The following NFILZ variants were observed in gnomAD, a reference collection of about 807,000 sequenced individuals.
NFILZ encodes the protein NFIL3 like protein.
At chr19:8,639,599 TA>T (rs5827009) in intron 3 of NFILZ, among the ~76,000 whole-genome samples, 2,827 of 132,324 alleles carry the variant, frequency 0.021, 45 homozygotes, top group African/African-American at 0.053. Context: ...TTAAGAAAAT[TA>T]AAAAAAAAAA....
At chr19:8,663,646 T>C (rs1479069190) in intron 3 of NFILZ, among the ~76,000 whole-genome samples, 1 of 151,504 alleles carries the variant, frequency 6.6e-6, no homozygotes, top group African/African-American at 2.4e-5. Context: ...AATGCTGAGT[T>C]TGGGGTGAAG....
intron 3 of NFILZ, among the ~76,000 whole-genome samples, chr19:8,647,479 G>A (rs2042943632): frequency 1.3e-5 from 2 of 152,028 alleles, no homozygotes; most frequent in African/African-American, 2.4e-5. Flanking sequence ...TACTGAGGCA[G>A]GAGAATCACT....
intron 3 of NFILZ, among the ~76,000 whole-genome samples, chr19:8,650,808 G>A (rs1016326329): frequency 2.0e-5 from 3 of 151,862 alleles, no homozygotes; most frequent in African/African-American, 7.3e-5. Context: ...CATAATTTAC[G>A]TATTTATTTA....
chr19:8,640,600 G>A (rs2042915133), intron 3 of NFILZ, among the ~76,000 whole-genome samples: 1 of 152,062 alleles, frequency 6.6e-6, no homozygotes, highest in African/African-American at 2.4e-5. Context: ...AAAAATTGAG[G>A]CGGCGACACG....
At chr19:8,660,565 TTCCTCCCCTCCCTCCCTCCTTCCTTCC>T (rs2043025026) in intron 3 of NFILZ, among the ~76,000 whole-genome samples, 1 of 128,924 alleles carries the variant, frequency 7.8e-6, no homozygotes. Context: ...CCTTCCTTCC[TTCCTCCCCTCCCTCCCTCCTTCCTTCC>T]TTCCTTCCCT....
rs1488963265 is a variant in NFILZ, at chr19:8,677,207, G to C, written c.442G>C (p.Gly148Arg). Residue 148 changes from glycine to arginine, a missense_variant, in exon 6 of 6, where the codon GGG becomes CGG. Gly to Arg is a moderately radical substitution (Grantham distance 125). Transcript: ENST00000691075. ...CLLRPRSLDAGIPGCRGCLLA... is the reference protein window; with the variant it reads ...CLLRPRSLDARIPGCRGCLLA... The stretch of plus-strand genomic sequence containing the variant: ...CTTAAGGCCACGTTCCCTGGATGCT[G>C]GGATTCCAGGATGTCGGGGCTGCCT... 1.3e-5 allele frequency: 2 copies of C among 153,032 alleles called. No homozygotes were observed. The highest frequency in any genetic ancestry group is 2.9e-5 in the Non-Finnish European group (2 of 68,680). 9.5% of individuals were successfully genotyped at this position (153,032 alleles called of 1,614,324 possible).
intron 3 of NFILZ, among the ~76,000 whole-genome samples, chr19:8,641,186 A>G (rs995740317): frequency 4.6e-5 from 7 of 151,462 alleles, no homozygotes; most frequent in African/African-American, 1.7e-4. Flanking sequence ...CGTAGCTGGG[A>G]CTACTGGCAT....
At chr19:8,655,296 C>G (rs770233992) in intron 3 of NFILZ, among the ~76,000 whole-genome samples, 3 of 152,172 alleles carry the variant, frequency 2.0e-5, no homozygotes, top group African/African-American at 4.8e-5. Context: ...AAGGGCCTTA[C>G]GGGGTTGGAA....
intron 3 of NFILZ, among the ~76,000 whole-genome samples, chr19:8,664,864 C>G (rs2043054724): frequency 6.6e-6 from 1 of 152,106 alleles, no homozygotes; most frequent in Non-Finnish European, 1.5e-5. Context: ...GAGAAGTAGT[C>G]TCCAACTCCC....
chr19:8,647,789 GCGCGCGCACA>G (rs57281568), intron 3 of NFILZ, among the ~76,000 whole-genome samples: 1,956 of 107,702 alleles, frequency 0.018, 17 homozygotes, highest in Middle Eastern at 0.036. Flanking sequence ...GCGCGCGCGC[GCGCGCGCACA>G]CACACACACA....
At chr19:8,644,592 C>T (rs1400059154) in intron 3 of NFILZ, among the ~76,000 whole-genome samples, 1 of 151,754 alleles carries the variant, frequency 6.6e-6, no homozygotes, top group African/African-American at 2.4e-5. Flanking sequence ...TCCTGAGTAG[C>T]TGGGAACACA....
chr19:8,663,680 G>GGGCTCA (rs2043043313), intron 3 of NFILZ, among the ~76,000 whole-genome samples: 1 of 151,594 alleles, frequency 6.6e-6, no homozygotes. Context: ...ACAATCTCCT[G>GGGCTCA]GGCTCAGCGT....
At chr19:8,634,403 A>C (rs2042885283) in intron 2 of NFILZ, among the ~76,000 whole-genome samples, 1 of 151,946 alleles carries the variant, frequency 6.6e-6, no homozygotes, top group Non-Finnish European at 1.5e-5. Context: ...CTCCCACATC[A>C]GCCTCCTGAG....
intron 4 of NFILZ, among the ~76,000 whole-genome samples, chr19:8,675,757 C>T (rs2043107593): frequency 6.6e-6 from 1 of 152,144 alleles, no homozygotes; most frequent in African/African-American, 2.4e-5. Flanking sequence ...ACAGTCAGAC[C>T]ATGCCTCTAA....
intron 3 of NFILZ, among the ~76,000 whole-genome samples, chr19:8,650,075 A>G (rs2042958383): frequency 6.6e-6 from 1 of 151,428 alleles, no homozygotes; most frequent in Non-Finnish European, 1.5e-5. Context: ...AGATCATGCC[A>G]CTGCACTCCA....
Position 8,656,422 on chromosome 19 carries a change from CTTTCCGCAGCCCACCTT to C in NFILZ, c.-163-18128_-163-18112del, listed in dbSNP as rs2043000039. ...CCCACCTTCTCTCTGAAACCCACCTCTTTCCGCAGCCCACCTTCTCCTCGAAGCCCACCTTCTCTCTG... is the reference window on the plus strand; with the variant it reads ...CCCACCTTCTCTCTGAAACCCACCTCCTCCTCGAAGCCCACCTTCTCTCTG... On this transcript the variant is annotated intron_variant, in intron 3 of 5. Coordinates refer to ENST00000691075, the MANE Select transcript of NFILZ (RefSeq NM_001378600.1). Among the ~76,000 whole-genome samples the C allele has an allele frequency of 6.9e-4, 48 of 69,596 alleles. 3 individuals carry two copies. The highest frequency in any genetic ancestry group is 2.3e-3 in the African/African-American group (45 of 19,858). The allele number at this position is 69,596 out of a possible 152,430, so 45.7% of individuals were successfully genotyped here. A position where few individuals can be genotyped will look rare whatever the true frequency, so the allele number is the denominator to read the frequency against.
chr19:8,637,902 A>C, intron 3 of NFILZ, among the ~76,000 whole-genome samples: 1 of 71,740 alleles, frequency 1.4e-5, no homozygotes, highest in South Asian at 5.5e-4. Flanking sequence ...AGCAAGACTA[A>C]AGATGGTCTC....
chr19:8,640,641 C>T (rs1208633248), intron 3 of NFILZ, among the ~76,000 whole-genome samples: 1 of 152,154 alleles, frequency 6.6e-6, no homozygotes. Context: ...CCCAGACAAA[C>T]CTCAAGAGAC....
chr19:8,652,400 G>C (rs898937786), intron 3 of NFILZ, among the ~76,000 whole-genome samples: 11 of 152,192 alleles, frequency 7.2e-5, no homozygotes, highest in African/African-American at 2.7e-4. Context: ...ACCGCTCCTG[G>C]CTGGGAGATT....
Sources: allele counts gnomAD v4.1 joint callset (sites outside exome capture counted in the v4.1 genomes callset), GRCh38; gene constraint gnomAD v4.1.1; transcripts MANE v1.5; gene names NCBI Gene and HGNC (gene_info 2026-07-23, HGNC 2026-07-21).